Variants in ABCA3 observed in about 807,000 individuals in gnomAD.
ABCA3 encodes phospholipid-transporting ATPase ABCA3.
In ABCA3, 88 loss-of-function variants were observed where a neutral mutation model predicts 172.8. The ratio of observed to expected loss-of-function variants is 0.51; its 90% confidence interval spans 0.43 to 0.61. The LOEUF (loss-of-function observed/expected upper bound fraction) is 0.61, where lower values mean the gene tolerates loss of function less well. Ranked by LOEUF, ABCA3 falls within the 20% of genes least tolerant of loss-of-function variation. The pLI, the probability that ABCA3 is intolerant of heterozygous loss-of-function variation, is 0.00. For synonymous variants in ABCA3, 1,066 were observed against 983.8 expected (o/e 1.08, Z -1.56); for missense variants, 2,164 against 2,301.0 (o/e 0.94, Z 1.22).
Position 2,326,489 on chromosome 16 carries a change from A to G in ABCA3, c.-23T>C. On this transcript the variant is annotated 5_prime_UTR_variant, in exon 4 of 33. Coordinates refer to ENST00000301732, the MANE Select transcript of ABCA3 (RefSeq NM_001089.3). ...CATCGTCTTGCTGAAAGGGACGCCC[A>G]GTGCTAGTTACAGACCAAAGACAGA... 1.2e-6 allele frequency: 2 copies of G among 1,602,614 alleles called. No homozygotes were observed. Among genetic ancestry groups the G allele is most frequent in the Non-Finnish European group, 1.7e-6 (2 of 1,174,076 alleles).
intron 1 of ABCA3, among the ~76,000 whole-genome samples, chr16:2,334,030 G>C (rs1376372143): frequency 1.3e-5 from 2 of 152,168 alleles, no homozygotes; most frequent in Non-Finnish European, 2.9e-5. Flanking sequence ...CACAGTCCCT[G>C]AACACTTGCA....
At position 2,302,492 on chromosome 16, in the gene ABCA3, T is replaced by C. The variant is rs1023184844; in HGVS notation, c.1467+1477A>G. ...AAGCATTTTTTACAATATGATTCTT[T>C]TTTTTTTTTTTGAGACAGGGTCTCA... is the stretch of plus-strand genomic sequence containing the variant. On this transcript the variant is annotated intron_variant, in intron 12 of 32. Transcript: ENST00000301732. Among the ~76,000 whole-genome samples the C allele has an allele frequency of 1.3e-5, 2 of 150,932 alleles. 1 individual carries two copies. Among genetic ancestry groups the C allele is most frequent in the Admixed American group, 1.3e-4 (2 of 15,124 alleles).
intron 14 of ABCA3, 120 bp downstream of exon 14, chr16:2,299,283 C>T (rs2093685140): frequency 7.7e-6 from 11 of 1,425,754 alleles, no homozygotes; most frequent in Middle Eastern, 2.1e-4. Flanking sequence ...GGTGCATCTC[C>T]TGCCGCTGTG....
chr16:2,288,943 A>C, intron 20 of ABCA3: 1 of 192,168 alleles, frequency 5.2e-6, no homozygotes, highest in African/African-American at 2.4e-5. Flanking sequence ...GTCACAGGAA[A>C]CAGATGGCCG....
intron 13 of ABCA3, 130 bp from the exon 14 acceptor site, chr16:2,299,662 G>A: frequency 1.4e-6 from 2 of 1,457,962 alleles, no homozygotes; most frequent in South Asian, 1.1e-5. Context: ...GTGCAGAGGG[G>A]AGGGACGTTT....
At chr16:2,321,180 C>A (rs1304692772) in intron 7 of ABCA3, among the ~76,000 whole-genome samples, 1 of 152,184 alleles carries the variant, frequency 6.6e-6, no homozygotes, top group Non-Finnish European at 1.5e-5. Flanking sequence ...CAGCCAGTGT[C>A]CCCTCCTGCA....
Position 2,317,363 on chromosome 16 carries a change from G to GT in ABCA3, c.1030_1031insA (p.Ser344TyrfsTer69). ...GCACAGCAGGAAGGCGAGCACCAGG[G>GT]AGGGGTCGCTGCGGGACAGCACGGC... On this transcript the variant is annotated frameshift_variant, in exon 10 of 33. Coordinates refer to ENST00000301732, the MANE Select transcript of ABCA3 (RefSeq NM_001089.3). LOFTEE classifies it high-confidence loss of function. 1 of 1,614,088 alleles carries GT rather than the reference G, an allele frequency of 6.2e-7. No individual in the cohort carries two copies.
chr16:2,320,167 T>C lies in ABCA3; in HGVS notation c.614-327A>G, dbSNP rs186449573. Among the ~76,000 whole-genome samples the C allele has an allele frequency of 4.9e-3, 729 of 150,022 alleles. 4 individuals are homozygous for C. The highest frequency in any genetic ancestry group is 6.8e-3 in the Non-Finnish European group (461 of 67,306). ...AGGCTGGAGTGCAGTGGCGCGATCT[T>C]GGCTCACTGCAACCTCCACCTCCCA... On this transcript the variant is annotated intron_variant, in intron 7 of 32. Coordinates refer to ENST00000301732, the MANE Select transcript of ABCA3 (RefSeq NM_001089.3).
intron 28 of ABCA3, among the ~76,000 whole-genome samples, chr16:2,280,279 G>T (rs984498017): frequency 2.0e-5 from 3 of 152,212 alleles, no homozygotes; most frequent in African/African-American, 7.2e-5. Context: ...TTATAATCTG[G>T]CCTGATGATG....
chr16:2,276,484 C>G lies in ABCA3; in HGVS notation c.*190G>C. 1 of 968,076 alleles carries G rather than the reference C, an allele frequency of 1.0e-6. No individual in the cohort carries two copies. Among genetic ancestry groups the G allele is most frequent in the Non-Finnish European group, 1.5e-6 (1 of 647,308 alleles). The allele number at this position is 968,076 out of a possible 1,614,324, so 60.0% of individuals were successfully genotyped here. On this transcript the variant is annotated 3_prime_UTR_variant, in exon 33 of 33. Coordinates refer to ENST00000301732, the MANE Select transcript of ABCA3 (RefSeq NM_001089.3). ...CAGAGTATGCAGACATGGAGATGCGCATGCTGATCCTGGGCATGAGGGCTG... is the reference window on the plus strand; with the variant it reads ...CAGAGTATGCAGACATGGAGATGCGGATGCTGATCCTGGGCATGAGGGCTG...
At position 2,340,695 on chromosome 16, in the gene ABCA3, CCTGGA is replaced by C. The variant is rs1463626560; in HGVS notation, c.-666_-662del. 1 of 150,394 alleles carries C rather than the reference CCTGGA, an allele frequency of 6.6e-6. No individual in the cohort carries two copies. The highest frequency in any genetic ancestry group is 1.9e-4 in the East Asian group (1 of 5,170). 9.3% of individuals were successfully genotyped at this position (150,394 alleles called of 1,614,324 possible). A position where few individuals can be genotyped will look rare whatever the true frequency, so the allele number is the denominator to read the frequency against. ...GCGGCACTGACAGCTGCGTGGCCGCCCTGGAGGGGAGGGTGCGCCTGCAACCCGCT... is the reference window on the plus strand; with the variant it reads ...GCGGCACTGACAGCTGCGTGGCCGCCGGGGAGGGTGCGCCTGCAACCCGCT... On this transcript the variant is annotated 5_prime_UTR_variant, in exon 1 of 33. Coordinates refer to ENST00000301732, the MANE Select transcript of ABCA3 (RefSeq NM_001089.3).
Position 2,319,747 on chromosome 16 carries a change from T to A in ABCA3, c.707A>T (p.Gln236Leu). The change falls in exon 8 of 33, where the codon CAG (glutamine) becomes CTG (leucine). Residue 236 changes from glutamine (Q) to leucine (L), a missense_variant. Coordinates refer to ENST00000301732, the MANE Select transcript of ABCA3 (RefSeq NM_001089.3). The stretch of plus-strand genomic sequence containing the variant: ...CCTCTTGATGGTCACCGTCAGTCTC[T>A]GGAACAGCTGGCGTGTGGCGGCATC... The part of the protein sequence containing the change: ...HADAATRQLF[Q>L]RLTVTIKRFP... The A allele has an allele frequency of 3.7e-6, 6 of 1,613,922 alleles. No individual in the cohort carries two copies. The highest frequency in any genetic ancestry group is 4.2e-6 in the Non-Finnish European group (5 of 1,179,996).
chr16:2,288,611 A>G (rs1022524087), intron 20 of ABCA3, among the ~76,000 whole-genome samples: 1 of 152,170 alleles, frequency 6.6e-6, no homozygotes, highest in Non-Finnish European at 1.5e-5. Flanking sequence ...GGTGGAGTGC[A>G]GTGGTGTGAT....
Position 2,288,062 on chromosome 16 carries a change from G to A in ABCA3, c.2968C>T (p.Leu990=), listed in dbSNP as rs760397580. 8 of 1,612,130 alleles carry A rather than the reference G, an allele frequency of 5.0e-6. No homozygotes were observed. Among genetic ancestry groups the A allele is most frequent in the Middle Eastern group, 1.7e-4 (1 of 6,046 alleles). ...QQLSEHLKDA[L]QAEGQEPREV... ...CGGGGCTCCTGTCCCTCAGCCTGCA[G>A]TGCGTCTTTCAGATGCTCTGACAGC... Residue 990 remains leucine, a synonymous_variant, in exon 21 of 33, where the codon CTG becomes TTG. Transcript: ENST00000301732.
Position 2,323,672 on chromosome 16 carries a change from C to T in ABCA3, c.464G>A (p.Arg155Gln). Residue 155 changes from arginine (R) to glutamine (Q), a missense_variant, in exon 7 of 33, where the codon CGG becomes CAG. Arg to Gln is a conservative substitution (Grantham distance 43, BLOSUM62 1). Coordinates refer to ENST00000301732, the MANE Select transcript of ABCA3 (RefSeq NM_001089.3). ...PLPLAVKYHL[R>Q]FSYTRRNYMW... The stretch of plus-strand genomic sequence containing the variant: ...GTAATTTCTCCGTGTGTAACTGAAC[C>T]GTAGGTGATATTTCACCTGTGGAAA... 6 of 1,614,140 alleles carry T rather than the reference C, an allele frequency of 3.7e-6. No individual in the cohort carries two copies. The highest frequency in any genetic ancestry group is 5.1e-6 in the Non-Finnish European group (6 of 1,180,026).
intron 14 of ABCA3, among the ~76,000 whole-genome samples, chr16:2,298,779 G>A (rs746362123): frequency 3.9e-5 from 6 of 152,006 alleles, no homozygotes; most frequent in Non-Finnish European, 7.4e-5. Flanking sequence ...AGAAACCCAC[G>A]ACACACACAC....
chr16:2,295,522 A>T, intron 18 of ABCA3, 68 bp downstream of exon 18: 1 of 1,597,610 alleles, frequency 6.3e-7, no homozygotes, highest in Non-Finnish European at 8.5e-7. Flanking sequence ...CTGAGCACAA[A>T]GCCCTCATGG....
chr16:2,323,418 A>G, intron 7 of ABCA3, 105 bp downstream of exon 7: 2 of 1,462,852 alleles, frequency 1.4e-6, no homozygotes, highest in Non-Finnish European at 1.9e-6. Flanking sequence ...ATGTCCTGAA[A>G]AGTATTTCTT....
intron 11 of ABCA3, among the ~76,000 whole-genome samples, chr16:2,304,776 C>T (rs971017222): frequency 2.6e-5 from 4 of 151,076 alleles, no homozygotes; most frequent in African/African-American, 9.7e-5. Context: ...CCCGGGTTCA[C>T]GCCATTCTCC....
Sources: allele counts gnomAD v4.1 joint callset (sites outside exome capture counted in the v4.1 genomes callset), GRCh38; gene constraint gnomAD v4.1.1; transcripts MANE v1.5; gene names NCBI Gene and HGNC (gene_info 2026-07-23, HGNC 2026-07-21).